Variants in SFXN3 observed in about 807,000 individuals in gnomAD.
SFXN3 encodes sideroflexin 3.
Under a neutral mutation model 40.4 loss-of-function variants are expected in SFXN3, and 31 were observed. The ratio of observed to expected loss-of-function variants is 0.77; its 90% CI spans 0.58 to 1.04. SFXN3 has a LOEUF of 1.04. Among genes scored for constraint, SFXN3 ranks in the 50% least tolerant of loss-of-function variants. SFXN3 has a pLI of 0.00. For missense variants in SFXN3, 366 were observed against 408.2 expected, an observed-to-expected ratio of 0.90 and a Z score of 0.89; for synonymous variants, 157 against 160.0, an observed-to-expected ratio of 0.98 and a Z score of 0.14.
rs753254195 is a variant in SFXN3, at chr10:101,035,576, G to T, written c.241G>T (p.Asp81Tyr). The T allele has an allele frequency of 5.6e-6, 9 of 1,614,034 alleles. No homozygotes were observed. In the African/African-American group the frequency reaches 1.2e-4, roughly 22 times the overall value. The change falls in exon 4 of 12, where the codon GAC (aspartate) becomes TAC (tyrosine). Residue 81 changes from aspartate to tyrosine, a missense_variant. Physicochemically the swap from Asp to Tyr is radical, Grantham distance 160. Transcript: ENST00000393459. ...TGTGTATGACTCCGCCTTCCATCCG[G>T]ACACAGGGGAGAAGGTGGTCCTGAT...
chr10:101,035,501 G>A (rs369730136), exon 4 of SFXN3: 12 of 1,601,998 alleles, frequency 7.5e-6, no homozygotes, highest in Middle Eastern at 3.9e-4. Flanking sequence ...CTGCAGGGCC[G>A]GCGTGGTGAC....
chr10:101,032,113 A>T, intron 1 of SFXN3: 1 of 258,958 alleles, frequency 3.9e-6, no homozygotes, highest in Non-Finnish European at 7.3e-6. Flanking sequence ...CGCTTGCTGC[A>T]GGGCTGGGGG....
Position 101,034,565 on chromosome 10 carries a change from G to A in SFXN3, c.-3-127G>A, listed in dbSNP as rs935549897. 40 of 934,062 alleles carry A rather than the reference G, an allele frequency of 4.3e-5. No homozygotes were observed. In the African/African-American group the frequency reaches 5.8e-4, roughly 14 times the overall value. The allele number at this position is 934,062 out of a possible 1,614,324, so 57.9% of individuals were successfully genotyped here. On this transcript the variant is annotated intron_variant, in intron 2 of 11. Coordinates refer to ENST00000393459, the Ensembl canonical transcript of SFXN3. ...TCTCTCTTTCTTTTCCCTACATCTA[G>A]TCACCTTGAGCTCTTGAAGGGACTG...
In SFXN3 at chr10:101,032,282, G is replaced by C. The variant is rs533837115; in HGVS notation, c.-172-32G>C. ...CTGGTCCAGGTGGCCCAGGCTGGGGGCATCGCCTCGAATGACACCCACCGC... is the reference window on the plus strand; with the variant it reads ...CTGGTCCAGGTGGCCCAGGCTGGGGCCATCGCCTCGAATGACACCCACCGC... On this transcript the variant is annotated intron_variant, in intron 1 of 11. Coordinates refer to ENST00000393459, the Ensembl canonical transcript of SFXN3. 4 of 574,574 alleles carry C rather than the reference G, an allele frequency of 7.0e-6. No individual in the cohort carries two copies. In the Admixed American group the frequency reaches 1.6e-4, roughly 23 times the overall value. 35.6% of individuals were successfully genotyped at this position (574,574 alleles called of 1,614,324 possible). A position where few individuals can be genotyped will look rare whatever the true frequency, so the allele number is the denominator to read the frequency against.
chr10:101,034,641 G>A (rs777064559), intron 2 of SFXN3, 51 bp from the exon 3 acceptor site: 1 of 1,592,178 alleles, frequency 6.3e-7, no homozygotes, highest in East Asian at 2.2e-5. Context: ...CCCCTAGCTG[G>A]AGCCCTTGGA....
exon 4 of SFXN3, chr10:101,035,575 G>A (rs533198232): frequency 1.1e-5 from 17 of 1,614,094 alleles, no homozygotes; most frequent in African/African-American, 2.7e-5. Flanking sequence ...CCTTCCATCC[G>A]GACACAGGGG....
In SFXN3 at chr10:101,039,240, G is replaced by A. The variant is rs762641333; in HGVS notation, c.869+18G>A. ...CAGAAGAGGTAAGTGCTGTCCCTGG[G>A]CTGGGTGGGGGACTCTGGATTGGAC... On this transcript the variant is annotated intron_variant, in intron 11 of 11. Transcript: ENST00000393459. This position sits in a 1 kb window ranked among gnomAD's most constrained non-coding sequence, Gnocchi z 4.6. 3.1e-6 allele frequency: 5 copies of A among 1,600,362 alleles called. No homozygotes were observed. In the Middle Eastern group the frequency reaches 8.4e-4, roughly 267 times the overall value.
Position 101,039,436 on chromosome 10 carries a change from T to C in SFXN3, c.870-53T>C. The C allele has an allele frequency of 6.5e-7, 1 of 1,533,838 alleles. No homozygotes were observed. The highest frequency in any genetic ancestry group is 2.3e-5 in the East Asian group (1 of 44,376). On this transcript the variant is annotated intron_variant, in intron 11 of 11. Transcript: ENST00000393459. This position sits in a 1 kb window ranked among gnomAD's most constrained non-coding sequence, Gnocchi z 4.6. Reference sequence around the variant, plus strand: ...GAGGTGGGATGGCAATCCCTGGGCCTGAGTGGGGTTGGATTCAGGGGACGT... The same window carrying C: ...GAGGTGGGATGGCAATCCCTGGGCCCGAGTGGGGTTGGATTCAGGGGACGT...
rs1210698560 is a variant in SFXN3 at position 101,036,183 on chromosome 10, C to T, written c.431+82C>T. On this transcript the variant is annotated intron_variant, in intron 5 of 11. Coordinates refer to ENST00000393459, the Ensembl canonical transcript of SFXN3. The surrounding 1 kb of genome is among the most constrained non-coding windows in gnomAD (Gnocchi z 4.2). ...CCTGCAGTGCCCTCTCCTTTCTCTC[C>T]GGTTCCCTGTGGACCATGCAGCCAG... The T allele has an allele frequency of 1.2e-5, 15 of 1,217,574 alleles. No homozygotes were observed. Among genetic ancestry groups the T allele is most frequent in the Admixed American group, 5.3e-5 (3 of 56,418 alleles). 75.4% of individuals were successfully genotyped at this position (1,217,574 alleles called of 1,614,324 possible). A position where few individuals can be genotyped will look rare whatever the true frequency, so the allele number is the denominator to read the frequency against.
In SFXN3 at chr10:101,039,220, G is replaced by C; in HGVS notation, c.867G>C (p.Lys289Asn). Residue 289 changes from lysine to asparagine, a missense_variant and splice_region_variant, in exon 11 of 12, where the codon AAG (lysine) becomes AAC (asparagine). Lys to Asn is a moderately conservative substitution (Grantham distance 94). Transcript: ENST00000393459. The surrounding 1 kb of genome is among the most constrained non-coding windows in gnomAD (Gnocchi z 4.6). ...TGTGCTGTGCCCTATTCCCCCAGAAGAGGTAAGTGCTGTCCCTGGGCTGGG... is the reference window on the plus strand; with the variant it reads ...TGTGCTGTGCCCTATTCCCCCAGAACAGGTAAGTGCTGTCCCTGGGCTGGG... 6.2e-7 allele frequency: 1 copy of C among 1,604,536 alleles called. No homozygotes were observed. Among genetic ancestry groups the C allele is most frequent in the Non-Finnish European group, 8.5e-7 (1 of 1,175,308 alleles).
intron 8 of SFXN3, 43 bp from the exon 9 acceptor site, chr10:101,037,339 T>G (rs1279107627): frequency 6.2e-7 from 1 of 1,614,040 alleles, no homozygotes; most frequent in African/African-American, 1.3e-5. Flanking sequence ...TGACTTTAAC[T>G]CCACTACTAA....
At position 101,036,651 on chromosome 10, in the gene SFXN3, C is replaced by G. The variant is rs768266027; in HGVS notation, c.508-72C>G. The G allele has an allele frequency of 3.1e-6, 5 of 1,609,102 alleles. No homozygotes were observed. Among genetic ancestry groups the G allele is most frequent in the Non-Finnish European group, 4.3e-6 (5 of 1,176,368 alleles). ...CACCTCCAGTTCTGACCTATATGCC[C>G]CCTATATCTCCCCAGAGTCCCTCAC... On this transcript the variant is annotated intron_variant, in intron 6 of 11. Coordinates refer to ENST00000393459, the Ensembl canonical transcript of SFXN3. This position sits in a 1 kb window ranked among gnomAD's most constrained non-coding sequence, Gnocchi z 4.2.
rs1239390230 is a variant in SFXN3 at position 101,035,448 on chromosome 10, C to A, written c.162-49C>A. 3.9e-6 allele frequency: 6 copies of A among 1,548,936 alleles called. No individual in the cohort carries two copies. The African/African-American group carries it at 6.8e-5, about 18-fold the overall frequency. ...GCTGGGCAGGTGGGGCCTGTGAGGG[C>A]AGATCTGCCCCCTGGCATAGCCTGT... On this transcript the variant is annotated intron_variant, in intron 3 of 11. Transcript: ENST00000393459.
In SFXN3 at chr10:101,036,465, A is replaced by G; in HGVS notation, c.432-21A>G. The G allele has an allele frequency of 1.9e-6, 3 of 1,613,678 alleles. No homozygotes were observed. Among genetic ancestry groups the G allele is most frequent in the Non-Finnish European group, 1.7e-6 (2 of 1,179,648 alleles). On this transcript the variant is annotated intron_variant, in intron 5 of 11. Transcript: ENST00000393459. The surrounding 1 kb of genome is among the most constrained non-coding windows in gnomAD (Gnocchi z 4.2). ...GCTGGACTTGTCACCTCTCCCCGTGACCTGGCTTTTCCACCCACAGGCAGC... is the reference window on the plus strand; with the variant it reads ...GCTGGACTTGTCACCTCTCCCCGTGGCCTGGCTTTTCCACCCACAGGCAGC...
At chr10:101,038,538 A>C (rs1938729731) in intron 9 of SFXN3, 105 bp from the exon 10 acceptor site, 2 of 1,603,204 alleles carry the variant, frequency 1.2e-6, no homozygotes, top group African/African-American at 1.3e-5. Context: ...CACAGGTCTA[A>C]GGGCTCCAAG....
exon 9 of SFXN3, chr10:101,037,413 G>A (rs1298963842): frequency 6.2e-7 from 1 of 1,614,184 alleles, no homozygotes; most frequent in South Asian, 1.1e-5. Context: ...ACACTCTGGA[G>A]AAGAAAGACT....
chr10:101,037,484 A>C (rs2134209027), intron 9 of SFXN3, 53 bp downstream of exon 9: 1 of 1,613,892 alleles, frequency 6.2e-7, no homozygotes, highest in African/African-American at 1.3e-5. Flanking sequence ...GGGAGAAGTG[A>C]CCAGGCCCCA....
In SFXN3 at chr10:101,039,684, GGGGCCT is replaced by G; in HGVS notation, c.*100_*105del. The stretch of plus-strand genomic sequence containing the variant: ...TTGGCTATCTGCCTAGCACTGGGCA[GGGGCCT>G]TGGTGGGCAGATGGCAATTGAGGGT... On this transcript the variant is annotated 3_prime_UTR_variant, in exon 12 of 12. Transcript: ENST00000393459. This position sits in a 1 kb window ranked among gnomAD's most constrained non-coding sequence, Gnocchi z 4.6. 1 of 1,231,782 alleles carries G rather than the reference GGGGCCT, an allele frequency of 8.1e-7. No individual in the cohort carries two copies. The highest frequency in any genetic ancestry group is 1.2e-6 in the Non-Finnish European group (1 of 840,596). 76.3% of individuals were successfully genotyped at this position (1,231,782 alleles called of 1,614,324 possible). A position where few individuals can be genotyped will look rare whatever the true frequency, so the allele number is the denominator to read the frequency against.
exon 3 of SFXN3, chr10:101,034,828 C>T (rs946601990): frequency 9.3e-6 from 15 of 1,614,084 alleles, no homozygotes; most frequent in Admixed American, 1.7e-5. Flanking sequence ...CAGCTGGAAG[C>T]TTCTCGGAAC....
Sources: allele counts gnomAD v4.1 joint callset, GRCh38; gene constraint gnomAD v4.1.1; non-coding constraint Gnocchi (gnomAD v3.1); transcripts MANE v1.5; gene names NCBI Gene and HGNC (gene_info 2026-07-23, HGNC 2026-07-21).